Variants in ZNF638 observed in about 807,000 individuals in gnomAD.
The protein encoded by ZNF638 is CTCL tumor antigen se33-1.
A neutral mutation model predicts 195.6 loss-of-function variants in ZNF638; 46 were observed. The observed-to-expected ratio is 0.24, with a 90% CI of 0.19 to 0.30. ZNF638 has a LOEUF of 0.30. ZNF638 is among the 10% of genes least tolerant of loss of function. ZNF638 has a pLI of 1.00. For synonymous variants in ZNF638, 845 were observed against 772.0 expected (o/e 1.09, Z -1.57); for missense variants, 2,440 against 2,325.3 (o/e 1.05, Z -1.01).
chr2:71,392,606 C>G (rs1264513924), intron 10 of ZNF638, among the ~76,000 whole-genome samples: 3 of 152,184 alleles, frequency 2.0e-5, no homozygotes, highest in Non-Finnish European at 4.4e-5. Flanking sequence ...AGCTCACTGC[C>G]TTGCCCACTG....
chr2:71,402,895 G>A (rs2080035050), intron 16 of ZNF638, among the ~76,000 whole-genome samples: 1 of 152,084 alleles, frequency 6.6e-6, no homozygotes, highest in South Asian at 2.1e-4. Context: ...GGCACTCCGA[G>A]CCAATTTGCT....
At position 71,348,502 on chromosome 2, in the gene ZNF638, G is replaced by A. The variant is rs1439675078; in HGVS notation, c.-202-251G>A. On this transcript the variant is annotated intron_variant, in intron 1 of 27. Coordinates refer to ENST00000264447, the MANE Select transcript of ZNF638 (RefSeq NM_014497.5). ...AGTTGTAATTACTGCTCAGCACCTA[G>A]GACAGCACCCAGTGCAACACAATGT... 2.7e-6 allele frequency: 3 copies of A among 1,127,114 alleles called. No individual in the cohort carries two copies. The African/African-American group carries it at 4.9e-5, about 19-fold the overall frequency. The allele number at this position is 1,127,114 out of a possible 1,614,324, so 69.8% of individuals were successfully genotyped here.
chr2:71,360,384 T>C (rs1381956202), intron 3 of ZNF638, among the ~76,000 whole-genome samples: 1 of 152,188 alleles, frequency 6.6e-6, no homozygotes, highest in Non-Finnish European at 1.5e-5. Context: ...TTAAGGAAAT[T>C]AACAATAATT....
At chr2:71,393,838 G>A (rs922508588) in intron 10 of ZNF638, among the ~76,000 whole-genome samples, 4 of 152,052 alleles carry the variant, frequency 2.6e-5, no homozygotes, top group Non-Finnish European at 5.9e-5. Flanking sequence ...AGTAGGGTCC[G>A]TTATTAATGG....
intron 10 of ZNF638, 126 bp from the exon 11 acceptor site, chr2:71,396,015 T>TA (rs749083632): frequency 3.3e-5 from 26 of 786,350 alleles, no homozygotes; most frequent in Non-Finnish European, 5.1e-5. Context: ...TCCATGGACA[T>TA]ACAAAGATGA....
At chr2:71,431,961 T>C (rs1162042122) in intron 26 of ZNF638, among the ~76,000 whole-genome samples, 1 of 152,238 alleles carries the variant, frequency 6.6e-6, no homozygotes, top group African/African-American at 2.4e-5. Context: ...GTATCTCCTC[T>C]TTTATTCCTG....
chr2:71,406,100 T>C (rs2080100429), intron 18 of ZNF638, 28 bp from the exon 19 acceptor site: 3 of 1,611,220 alleles, frequency 1.9e-6, no homozygotes, highest in Non-Finnish European at 2.5e-6. Context: ...CTGTGGTTTT[T>C]TCTGTGCTGT....
chr2:71,424,433 A>G (rs1264300606), intron 22 of ZNF638, among the ~76,000 whole-genome samples: 1 of 152,194 alleles, frequency 6.6e-6, no homozygotes, highest in Non-Finnish European at 1.5e-5. Flanking sequence ...TGGGACGAAA[A>G]GATCAGTAAA....
At chr2:71,397,722 ATCT>A (rs2079923781) in intron 11 of ZNF638, among the ~76,000 whole-genome samples, 1 of 152,138 alleles carries the variant, frequency 6.6e-6, no homozygotes, top group African/African-American at 2.4e-5. Flanking sequence ...TCGAAGTTAA[ATCT>A]TCTGTTGCTC....
intron 8 of ZNF638, among the ~76,000 whole-genome samples, chr2:71,371,396 A>G (rs2079310049): frequency 1.3e-5 from 2 of 152,148 alleles, no homozygotes; most frequent in South Asian, 4.2e-4. Flanking sequence ...GGTTGATCCT[A>G]TTTTTAGTTT....
intron 1 of ZNF638, among the ~76,000 whole-genome samples, chr2:71,336,489 T>C (rs566927300): frequency 6.6e-6 from 1 of 152,094 alleles, no homozygotes; most frequent in South Asian, 2.1e-4. Flanking sequence ...AATTAACTCC[T>C]ATGTCTAATA....
chr2:71,408,079 T>A (rs904180721), intron 19 of ZNF638, 43 bp from the exon 20 acceptor site: 14 of 1,577,444 alleles, frequency 8.9e-6, no homozygotes, highest in Non-Finnish European at 1.2e-5. Flanking sequence ...CTAATTCCAA[T>A]TTTTTTAAAG....
At chr2:71,411,210 G>T (rs1194725152) in intron 20 of ZNF638, among the ~76,000 whole-genome samples, 1 of 150,860 alleles carries the variant, frequency 6.6e-6, no homozygotes, top group Non-Finnish European at 1.5e-5. Context: ...ATGCTGGTCA[G>T]GCTGGTCTCG....
chr2:71,378,805 G>T (rs2079483041), intron 8 of ZNF638, among the ~76,000 whole-genome samples: 1 of 152,166 alleles, frequency 6.6e-6, no homozygotes, highest in Non-Finnish European at 1.5e-5. Context: ...CCACGTCCTG[G>T]ATTGAGAGCA....
intron 1 of ZNF638, among the ~76,000 whole-genome samples, chr2:71,332,581 A>G (rs1320695873): frequency 6.6e-6 from 1 of 152,216 alleles, no homozygotes; most frequent in African/African-American, 2.4e-5. Context: ...CAAATTTCTC[A>G]GAGGAATTGT....
At chr2:71,408,003 A>G (rs1276568360) in intron 19 of ZNF638, 119 bp from the exon 20 acceptor site, 10 of 880,330 alleles carry the variant, frequency 1.1e-5, no homozygotes, top group African/African-American at 1.7e-5. Flanking sequence ...ATACATGTTT[A>G]AGTATCGGCT....
At chr2:71,353,906 C>T (rs755206167) in intron 2 of ZNF638, among the ~76,000 whole-genome samples, 11 of 152,298 alleles carry the variant, frequency 7.2e-5, no homozygotes, top group Admixed American at 1.3e-4. Flanking sequence ...TTTAGTACTA[C>T]TAGAGACTCT....
Position 71,364,222 on chromosome 2 carries a change from A to C in ZNF638, c.1687A>C (p.Arg563=). The C allele has an allele frequency of 6.2e-7, 1 of 1,614,128 alleles. No individual in the cohort carries two copies. The highest frequency in any genetic ancestry group is 8.5e-7 in the Non-Finnish European group (1 of 1,179,956). The change falls in exon 5 of 28, where the codon AGG becomes CGG. Residue 563 remains arginine (R), a synonymous_variant. Transcript: ENST00000264447. Reference sequence around the variant, plus strand: ...ATGCTTTCGATCAGTTAGCCCTGAGAGGATGTCAAGGAGATCAGTGAGATC... The same window carrying C: ...ATGCTTTCGATCAGTTAGCCCTGAGCGGATGTCAAGGAGATCAGTGAGATC... ...PKCFRSVSPE[R]MSRRSVRSSD...
intron 1 of ZNF638, among the ~76,000 whole-genome samples, chr2:71,339,032 A>G (rs937217123): frequency 1.3e-5 from 2 of 151,992 alleles, no homozygotes; most frequent in East Asian, 3.9e-4. Flanking sequence ...ATAAAGAGGT[A>G]TATGTATGTT....
Sources: gnomAD v4.1 joint callset for allele counts (sites outside exome capture counted in the v4.1 genomes callset) on GRCh38, gnomAD v4.1.1 for gene constraint, MANE v1.5 for transcripts, NCBI Gene and HGNC (gene_info 2026-07-23, HGNC 2026-07-21) for gene names.